Variants in RUNX1 observed in about 807,000 individuals in gnomAD.
RUNX1 encodes RUNX family transcription factor 1.
RUNX1 carries 19 observed loss-of-function variants against 42.8 expected under a neutral mutation model. The ratio of observed to expected loss-of-function variants is 0.44; its 90% CI spans 0.31 to 0.65. RUNX1 has a LOEUF of 0.65. Ranked by LOEUF, RUNX1 falls within the 30% of genes least tolerant of loss-of-function variation. The pLI is 0.07. For synonymous variants in RUNX1, 271 were observed against 289.4 expected, an observed-to-expected ratio of 0.94 and a Z score of 0.64; for missense variants, 528 against 672.0, an observed-to-expected ratio of 0.79 and a Z score of 2.37.
Position 34,789,711 on chromosome 21 carries a change from T to A in RUNX1, c.*2424A>T, listed in dbSNP as rs2056412445. The A allele has an allele frequency of 4.3e-6, 1 of 233,136 alleles. No individual in the cohort carries two copies. The allele number at this position is 233,136 out of a possible 1,614,324, so 14.4% of individuals were successfully genotyped here. On this transcript the variant is annotated 3_prime_UTR_variant, in exon 9 of 9. Coordinates refer to ENST00000675419, the MANE Select transcript of RUNX1 (RefSeq NM_001754.5). ...AATACTATATATGCTGGTAAGAGTC[T>A]GTGAAACTCTAAATGACCAATCCAG...
At chr21:35,000,672 T>G (rs984183195) in intron 2 of RUNX1, among the ~76,000 whole-genome samples, 2 of 152,220 alleles carry the variant, frequency 1.3e-5, no homozygotes, top group African/African-American at 4.8e-5. Flanking sequence ...AGTTGAGTGC[T>G]TCATGTTCTT....
At chr21:34,813,487 G>C (rs947359715) in intron 7 of RUNX1, among the ~76,000 whole-genome samples, 2 of 152,126 alleles carry the variant, frequency 1.3e-5, no homozygotes, top group Admixed American at 1.3e-4. Context: ...GAGCCCTTGT[G>C]AGAATCCTGG....
In RUNX1 at chr21:35,010,625, GCACACACA is replaced by G. The variant is rs113068635; in HGVS notation, c.58+38209_58+38216del. On this transcript the variant is annotated intron_variant, in intron 2 of 8. Coordinates refer to ENST00000675419, the MANE Select transcript of RUNX1 (RefSeq NM_001754.5). ...CACACTACCGTGAGTACACACACAC[GCACACACA>G]CACACACACACACACACACTCATTC... is the stretch of plus-strand genomic sequence containing the variant. 7.2e-3 allele frequency among the ~76,000 whole-genome samples: 1,032 copies of G among 143,704 alleles called. 6 individuals are homozygous for G. Among genetic ancestry groups the G allele is most frequent in the South Asian group, 0.017 (75 of 4,434 alleles). The allele number at this position is 143,704 out of a possible 152,430, so 94.3% of individuals were successfully genotyped here. A position where few individuals can be genotyped will look rare whatever the true frequency, so the allele number is the denominator to read the frequency against.
intron 2 of RUNX1, among the ~76,000 whole-genome samples, chr21:35,023,901 A>C (rs1384162626): frequency 6.6e-6 from 1 of 151,036 alleles, no homozygotes; most frequent in East Asian, 1.9e-4. Flanking sequence ...TATTAGGTGA[A>C]ATATATTTTA....
intron 4 of RUNX1, among the ~76,000 whole-genome samples, chr21:34,883,651 T>A (rs974886354): frequency 1.3e-5 from 2 of 152,228 alleles, no homozygotes; most frequent in African/African-American, 4.8e-5. Context: ...CAAAGATATC[T>A]CATATTTTGT....
intron 2 of RUNX1, among the ~76,000 whole-genome samples, chr21:34,956,779 T>A (rs1320258747): frequency 6.6e-6 from 1 of 152,164 alleles, no homozygotes; most frequent in African/African-American, 2.4e-5. Context: ...TCTCCTCCTC[T>A]TCCTCTTTTT....
chr21:34,926,292 T>C (rs926306058), intron 2 of RUNX1, among the ~76,000 whole-genome samples: 7 of 151,294 alleles, frequency 4.6e-5, no homozygotes, highest in East Asian at 1.9e-4. Flanking sequence ...CTGGGCAACA[T>C]AGTGGGACCC....
intron 2 of RUNX1, among the ~76,000 whole-genome samples, chr21:35,047,559 A>C (rs199554224): frequency 4.7e-5 from 3 of 64,274 alleles, no homozygotes; most frequent in East Asian, 1.0e-3. Flanking sequence ...ACACACACAC[A>C]CACTCTCTCT....
At chr21:34,889,299 G>A (rs1445203200) in intron 3 of RUNX1, among the ~76,000 whole-genome samples, 3 of 152,124 alleles carry the variant, frequency 2.0e-5, no homozygotes, top group Non-Finnish European at 4.4e-5. Context: ...GCGGCGAAGC[G>A]GCGCTGATTC....
chr21:34,816,065 T>C (rs1039529828), intron 7 of RUNX1, among the ~76,000 whole-genome samples: 19 of 151,804 alleles, frequency 1.3e-4, no homozygotes, highest in African/African-American at 4.4e-4. Context: ...CCAGCTGGGA[T>C]CTGGGAAAGG....
At chr21:35,017,797 A>C (rs1431973210) in intron 2 of RUNX1, among the ~76,000 whole-genome samples, 1 of 152,142 alleles carries the variant, frequency 6.6e-6, no homozygotes, top group Non-Finnish European at 1.5e-5. Flanking sequence ...GCTGCAGGGC[A>C]TTCACCCGGG....
At chr21:35,015,630 G>A (rs544733890) in intron 2 of RUNX1, among the ~76,000 whole-genome samples, 3 of 152,334 alleles carry the variant, frequency 2.0e-5, no homozygotes, top group Non-Finnish European at 4.4e-5. Context: ...TCATGCGAAA[G>A]TCAATGGCCT....
rs994475947 is a variant in RUNX1 at position 34,889,841 on chromosome 21, G to A, written c.98-2745C>T. On this transcript the variant is annotated intron_variant, in intron 3 of 8. Transcript: ENST00000675419. The stretch of plus-strand genomic sequence containing the variant: ...CAGCGGAGGCTGCTCCCGTCACCAT[G>A]AGTCCCTCCACGCCCTCCCTGCCGG... 2.7e-5 allele frequency: 30 copies of A among 1,109,122 alleles called. No individual in the cohort carries two copies. In the East Asian group the frequency reaches 2.9e-4, roughly 11 times the overall value. The allele number at this position is 1,109,122 out of a possible 1,614,324, so 68.7% of individuals were successfully genotyped here.
chr21:34,876,385 C>T (rs2057814424), intron 5 of RUNX1, among the ~76,000 whole-genome samples: 1 of 152,212 alleles, frequency 6.6e-6, no homozygotes, highest in Non-Finnish European at 1.5e-5. Flanking sequence ...TGTATTTATT[C>T]ATTTTCAGGT....
chr21:34,950,863 G>A (rs1240528907), intron 2 of RUNX1, among the ~76,000 whole-genome samples: 1 of 152,206 alleles, frequency 6.6e-6, no homozygotes, highest in Non-Finnish European at 1.5e-5. Context: ...CCATCTCTGT[G>A]CTAACTTCCA....
At chr21:34,972,111 G>A (rs1345745494) in intron 2 of RUNX1, among the ~76,000 whole-genome samples, 2 of 152,060 alleles carry the variant, frequency 1.3e-5, no homozygotes, top group African/African-American at 4.8e-5. Flanking sequence ...CCATTTATAT[G>A]GCACCTGGAT....
intron 5 of RUNX1, among the ~76,000 whole-genome samples, chr21:34,868,669 C>A (rs2057696642): frequency 6.6e-6 from 1 of 152,212 alleles, no homozygotes; most frequent in African/African-American, 2.4e-5. Context: ...AGGTTCTGTA[C>A]CTCTGAGCCT....
intron 6 of RUNX1, among the ~76,000 whole-genome samples, chr21:34,853,091 C>T (rs980975924): frequency 7.2e-5 from 11 of 152,184 alleles, no homozygotes; most frequent in African/African-American, 2.2e-4. Flanking sequence ...ACCCATCTTT[C>T]GTGAAGGCCA....
In RUNX1 at chr21:34,907,547, A is replaced by C. The variant is rs2146508802; in HGVS notation, c.59-14584T>G. On this transcript the variant is annotated intron_variant, in intron 2 of 8. Transcript: ENST00000675419. This position sits in a 1 kb window ranked among gnomAD's most constrained non-coding sequence, Gnocchi z 5.3. ...CAAAAAGTTTGCAAGCCTCTAGCCT[A>C]AAATGTCTTATTTTCTTAGTACTCA... Among the ~76,000 whole-genome samples, 1 of 152,248 alleles carries C rather than the reference A, an allele frequency of 6.6e-6. No homozygotes were observed. The highest frequency in any genetic ancestry group is 2.1e-4 in the South Asian group (1 of 4,822).
Sources: gnomAD v4.1 joint callset for allele counts (sites outside exome capture counted in the v4.1 genomes callset) on GRCh38, gnomAD v4.1.1 for gene constraint, Gnocchi (gnomAD v3.1) non-coding constraint, MANE v1.5 for transcripts, NCBI Gene and HGNC (gene_info 2026-07-23, HGNC 2026-07-21) for gene names.